GUCY1A2: variants seen among roughly 807,000 people sequenced by gnomAD.
GUCY1A2 encodes the protein guanylate cyclase soluble subunit alpha-2.
A neutral mutation model predicts 63.5 loss-of-function variants in GUCY1A2; 27 were observed. The ratio of observed to expected loss-of-function variants is 0.43; its 90% CI spans 0.31 to 0.59. The LOEUF (loss-of-function observed/expected upper bound fraction) is 0.59. Among genes scored for constraint, GUCY1A2 ranks in the 20% least tolerant of loss-of-function variants. GUCY1A2 has a pLI of 0.11. For synonymous variants in GUCY1A2, 364 were observed against 343.5 expected (o/e 1.06, Z -0.66); for missense variants, 768 against 913.3 (o/e 0.84, Z 2.05).
At chr11:106,717,809 C>T (rs901544640) in intron 6 of GUCY1A2, among the ~76,000 whole-genome samples, 2 of 152,108 alleles carry the variant, frequency 1.3e-5, no homozygotes, top group African/African-American at 4.8e-5. Flanking sequence ...TTAAATACTC[C>T]TTTAATAAAA....
intron 6 of GUCY1A2, chr11:106,746,613 G>A: frequency 6.3e-7 from 1 of 1,596,272 alleles, no homozygotes; most frequent in South Asian, 1.1e-5. Context: ...ATGGAAACAG[G>A]AAAGGAGAAA....
At chr11:106,945,263 G>A (rs1186253213) in intron 3 of GUCY1A2, among the ~76,000 whole-genome samples, 1 of 151,648 alleles carries the variant, frequency 6.6e-6, no homozygotes, top group African/African-American at 2.4e-5. Context: ...TAGATGATGA[G>A]AGAAAAATAC....
chr11:106,800,883 A>T (rs1255246810), intron 5 of GUCY1A2, among the ~76,000 whole-genome samples: 1 of 151,470 alleles, frequency 6.6e-6, no homozygotes, highest in Non-Finnish European at 1.5e-5. Context: ...AACTTAAAGT[A>T]TAAAAAAAAA....
At chr11:107,010,911 G>A (rs1861734562) in intron 1 of GUCY1A2, among the ~76,000 whole-genome samples, 1 of 151,712 alleles carries the variant, frequency 6.6e-6, no homozygotes, top group South Asian at 2.1e-4. Context: ...TGTATTTTTG[G>A]TAGAGACAGG....
At position 106,683,900 on chromosome 11, in the gene GUCY1A2, T is replaced by C. The variant is rs900370721; in HGVS notation, c.*3649A>G. On this transcript the variant is annotated 3_prime_UTR_variant, in exon 8 of 8. Transcript: ENST00000526355. The stretch of plus-strand genomic sequence containing the variant: ...TTCATTCAGCAGCAGTATGATTCTA[T>C]ACAAAACACAGAGCCTGGTGGGGTT... 2.5e-5 allele frequency: 5 copies of C among 201,798 alleles called. No individual in the cohort carries two copies. Among genetic ancestry groups the C allele is most frequent in the Non-Finnish European group, 5.1e-5 (5 of 98,022 alleles). 12.5% of individuals were successfully genotyped at this position (201,798 alleles called of 1,614,324 possible). A position where few individuals can be genotyped will look rare whatever the true frequency, so the allele number is the denominator to read the frequency against.
intron 3 of GUCY1A2, among the ~76,000 whole-genome samples, chr11:106,972,436 G>A (rs1367337318): frequency 6.6e-6 from 1 of 151,940 alleles, no homozygotes; most frequent in African/African-American, 2.4e-5. Flanking sequence ...GAGAACAAAA[G>A]ACAACCTGAA....
At position 106,810,158 on chromosome 11, in the gene GUCY1A2, C is replaced by A; in HGVS notation, c.1527G>T (p.Gly509=). 1 of 1,613,854 alleles carries A rather than the reference C, an allele frequency of 6.2e-7. No individual in the cohort carries two copies. The highest frequency in any genetic ancestry group is 8.5e-7 in the Non-Finnish European group (1 of 1,179,822). The change falls in exon 5 of 8, where the codon GGG becomes GGT. Residue 509 remains glycine (G), a synonymous_variant. Coordinates refer to ENST00000526355, the MANE Select transcript of GUCY1A2 (RefSeq NM_000855.3). ...CAAACTTTCTGGCCTGTACTTGCTG[C>A]CCTTGCCATAATTGCTGGGCTACAT... ...PGDVAQQLWQ[G]QQVQARKFDD...
intron 6 of GUCY1A2, among the ~76,000 whole-genome samples, chr11:106,729,647 A>G (rs902922405): frequency 1.3e-5 from 2 of 152,144 alleles, no homozygotes; most frequent in African/African-American, 4.8e-5. Flanking sequence ...ACAGCAAAAA[A>G]TGATTCCCTC....
At chr11:107,008,138 G>T (rs1861697128) in intron 1 of GUCY1A2, among the ~76,000 whole-genome samples, 1 of 149,418 alleles carries the variant, frequency 6.7e-6, no homozygotes, top group Non-Finnish European at 1.5e-5. Flanking sequence ...AATTAGCCAG[G>T]CATGGTGGCA....
intron 3 of GUCY1A2, among the ~76,000 whole-genome samples, chr11:106,967,631 T>TC (rs1225762459): frequency 1.3e-5 from 2 of 150,016 alleles, no homozygotes; most frequent in Non-Finnish European, 2.9e-5. Flanking sequence ...TCTAAGCCAG[T>TC]AATCTAAGCC....
intron 3 of GUCY1A2, among the ~76,000 whole-genome samples, chr11:106,951,934 TA>T (rs1438000136): frequency 1.3e-5 from 2 of 152,182 alleles, no homozygotes; most frequent in African/African-American, 4.8e-5. Context: ...GAAAGGGGTC[TA>T]GTTTTACTTT....
intron 1 of GUCY1A2, among the ~76,000 whole-genome samples, chr11:107,007,564 AC>A (rs1484349047): frequency 2.0e-5 from 3 of 151,988 alleles, no homozygotes; most frequent in African/African-American, 4.8e-5. Flanking sequence ...TGCATGTCAT[AC>A]TCATCTTCCC....
intron 7 of GUCY1A2, among the ~76,000 whole-genome samples, chr11:106,698,571 T>C (rs1340305700): frequency 6.6e-6 from 1 of 152,210 alleles, no homozygotes; most frequent in African/African-American, 2.4e-5. Context: ...CTTTACTCAA[T>C]TTCATCTAAT....
intron 4 of GUCY1A2, among the ~76,000 whole-genome samples, chr11:106,865,407 A>AT (rs2135460402): frequency 6.6e-6 from 1 of 151,744 alleles, no homozygotes; most frequent in African/African-American, 2.4e-5. Flanking sequence ...GATCTTAGTT[A>AT]TTTTTTGTCT....
At chr11:106,712,397 A>T (rs1260660012) in intron 6 of GUCY1A2, among the ~76,000 whole-genome samples, 1 of 152,196 alleles carries the variant, frequency 6.6e-6, no homozygotes, top group African/African-American at 2.4e-5. Context: ...GCTTTTGAAA[A>T]TATGGAATAC....
In GUCY1A2 at chr11:106,681,376, C is replaced by G. The variant is rs1240995136; in HGVS notation, c.*6173G>C. The G allele has an allele frequency of 4.4e-6, 1 of 226,582 alleles. No homozygotes were observed. Among genetic ancestry groups the G allele is most frequent in the Non-Finnish European group, 8.8e-6 (1 of 113,848 alleles). 14.0% of individuals were successfully genotyped at this position (226,582 alleles called of 1,614,324 possible). ...GCAAAGCCTACTTTCTCAATCACCT[C>G]TTCCAACCTATGCTCTACTTCCACT... On this transcript the variant is annotated 3_prime_UTR_variant, in exon 8 of 8. Transcript: ENST00000526355.
At chr11:106,730,947 C>T (rs565466419) in intron 6 of GUCY1A2, among the ~76,000 whole-genome samples, 3 of 152,042 alleles carry the variant, frequency 2.0e-5, no homozygotes, top group Non-Finnish European at 4.4e-5. Flanking sequence ...GTCCTTTGCC[C>T]ACTTTTTAAT....
intron 4 of GUCY1A2, among the ~76,000 whole-genome samples, chr11:106,829,827 G>A (rs149492855): frequency 6.0e-4 from 91 of 152,292 alleles, no homozygotes; most frequent in African/African-American, 2.2e-3. Flanking sequence ...GCCCTGTGAC[G>A]TGATTAAGGT....
chr11:106,703,389 G>A (rs1342920732), intron 7 of GUCY1A2, among the ~76,000 whole-genome samples: 10 of 152,140 alleles, frequency 6.6e-5, no homozygotes, highest in Admixed American at 6.5e-4. Context: ...TTAAAATAGA[G>A]AAATTACCAT....
Sources: gnomAD v4.1 joint callset for allele counts (sites outside exome capture counted in the v4.1 genomes callset) on GRCh38, gnomAD v4.1.1 for gene constraint, MANE v1.5 for transcripts, NCBI Gene and HGNC (gene_info 2026-07-23, HGNC 2026-07-21) for gene names.